The following MLIP variants were observed in gnomAD, a reference collection of about 807,000 sequenced individuals.
MLIP encodes the protein muscular LMNA interacting protein.
In MLIP, 79 loss-of-function variants were observed where a neutral mutation model predicts 84.8. The ratio of observed to expected loss-of-function variants is 0.93; its 90% CI spans 0.78 to 1.12. The LOEUF (loss-of-function observed/expected upper bound fraction) is 1.12, where lower values mean the gene tolerates loss of function less well. Among genes scored for constraint, MLIP ranks in the 50% most tolerant of loss-of-function variants. The pLI is 0.00. For missense variants in MLIP, 1,257 were observed against 1,160.6 expected, an observed-to-expected ratio of 1.08 and a Z score of -1.21; for synonymous variants, 504 against 463.0, an observed-to-expected ratio of 1.09 and a Z score of -1.14.
intron 3 of MLIP, among the ~76,000 whole-genome samples, chr6:54,125,544 G>A (rs961698500): frequency 2.0e-5 from 3 of 152,194 alleles, no homozygotes; most frequent in Admixed American, 6.5e-5. Flanking sequence ...AGGAAAGAAA[G>A]GATGCGGACA....
chr6:54,167,094 G>T (rs1029256159), intron 8 of MLIP, among the ~76,000 whole-genome samples: 1 of 151,858 alleles, frequency 6.6e-6, no homozygotes, highest in African/African-American at 2.4e-5. Context: ...ACTGTGTTTT[G>T]TTGGATAGTA....
At chr6:54,219,175 C>T (rs939158999) in intron 11 of MLIP, among the ~76,000 whole-genome samples, 5 of 151,650 alleles carry the variant, frequency 3.3e-5, no homozygotes, top group African/African-American at 1.2e-4. Flanking sequence ...CACTGTACTC[C>T]AGCCTGGGGA....
At chr6:54,066,979 A>T (rs1310351677) in intron 1 of MLIP, among the ~76,000 whole-genome samples, 1 of 100,980 alleles carries the variant, frequency 9.9e-6, no homozygotes, top group African/African-American at 2.5e-5. Flanking sequence ...CAGAGGAAAA[A>T]AAATCTACTT....
intron 9 of MLIP, among the ~76,000 whole-genome samples, chr6:54,174,926 A>T (rs1331195707): frequency 6.6e-6 from 1 of 151,976 alleles, no homozygotes; most frequent in Admixed American, 6.6e-5. Context: ...ATTTTTACAT[A>T]TGGCAAGATA....
Position 54,026,242 on chromosome 6 carries a change from G to C in MLIP, c.63+7151G>C, listed in dbSNP as rs549195433. Among the ~76,000 whole-genome samples the C allele has an allele frequency of 6.6e-5, 10 of 152,264 alleles. No homozygotes were observed. In the East Asian group the frequency reaches 1.9e-3, roughly 29 times the overall value. On this transcript the variant is annotated intron_variant, in intron 1 of 12. Coordinates refer to the MLIP transcript ENST00000274897. The stretch of plus-strand genomic sequence containing the variant: ...TCTCTGCATCAGATATTAGAGATTT[G>C]ATGATTAGGATAATGTTCTCCAAAT...
intron 3 of MLIP, among the ~76,000 whole-genome samples, chr6:54,131,765 T>C (rs1290609862): frequency 1.3e-5 from 2 of 152,242 alleles, no homozygotes; most frequent in Non-Finnish European, 2.9e-5. Flanking sequence ...CTTTTGTTGC[T>C]TAACAAACCA....
Position 54,035,513 on chromosome 6 carries a change from AT to A in MLIP, c.63+16431del, listed in dbSNP as rs952487199. 8.7e-4 allele frequency among the ~76,000 whole-genome samples: 132 copies of A among 151,066 alleles called. 2 individuals carry two copies. The highest frequency in any genetic ancestry group is 4.8e-5 in the African/African-American group (2 of 41,276). On this transcript the variant is annotated intron_variant, in intron 1 of 12. Transcript: ENST00000274897. Reference sequence around the variant, plus strand: ...AACTGCTGAGACATATGGTAAGTCCATTTTTTTTTAGTTTTAAAGGGAATTG... The same window carrying A: ...AACTGCTGAGACATATGGTAAGTCCATTTTTTTTAGTTTTAAAGGGAATTG...
intron 11 of MLIP, among the ~76,000 whole-genome samples, chr6:54,202,851 A>G (rs1391121850): frequency 6.6e-6 from 1 of 152,212 alleles, no homozygotes; most frequent in Admixed American, 6.5e-5. Flanking sequence ...TGAGCAAGTA[A>G]TCATGCCACT....
intron 10 of MLIP, among the ~76,000 whole-genome samples, chr6:54,193,794 T>C (rs1206443784): frequency 6.6e-6 from 1 of 152,138 alleles, no homozygotes; most frequent in Non-Finnish European, 1.5e-5. Flanking sequence ...AGGAAAGATC[T>C]AGGGTCTGCG....
intron 1 of MLIP, among the ~76,000 whole-genome samples, chr6:54,071,113 T>C (rs985879850): frequency 2.0e-5 from 3 of 152,136 alleles, no homozygotes; most frequent in African/African-American, 7.2e-5. Flanking sequence ...TCATAGGTAT[T>C]TGCATTTTTA....
intron 8 of MLIP, among the ~76,000 whole-genome samples, chr6:54,168,244 C>A (rs1473887865): frequency 2.0e-5 from 3 of 151,804 alleles, no homozygotes; most frequent in Non-Finnish European, 2.9e-5. Flanking sequence ...ACCTACTCAA[C>A]TCCCTTACTC....
chr6:54,150,958 T>C (rs755663101), intron 5 of MLIP, among the ~76,000 whole-genome samples: 1 of 152,228 alleles, frequency 6.6e-6, no homozygotes. Flanking sequence ...GTGTTTTTAA[T>C]TTTAAATAAA....
chr6:54,111,621 A>C (rs1199007912), intron 1 of MLIP, 46 bp downstream of exon 1: 1 of 1,526,960 alleles, frequency 6.5e-7, no homozygotes, highest in East Asian at 2.4e-5. Context: ...TTTTAAAAGC[A>C]GTGTACGGTG....
chr6:54,265,930 C>T lies in MLIP; in HGVS notation c.2977-20C>T, dbSNP rs368902426. ...AATTTATTCATCTTAACCTGACTAC[C>T]ATATTCTCTTATTTTACAGCAATGA... is the stretch of plus-strand genomic sequence containing the variant. On this transcript the variant is annotated intron_variant, in intron 13 of 13. Coordinates refer to ENST00000502396, the MANE Select transcript of MLIP (RefSeq NM_001281747.2). The T allele has an allele frequency of 6.5e-5, 105 of 1,608,626 alleles. No homozygotes were observed. The highest frequency in any genetic ancestry group is 8.6e-5 in the Non-Finnish European group (101 of 1,176,876).
chr6:54,204,042 T>C (rs1175818564), intron 11 of MLIP, among the ~76,000 whole-genome samples: 1 of 152,234 alleles, frequency 6.6e-6, no homozygotes, highest in Non-Finnish European at 1.5e-5. Context: ...ACAAATACTT[T>C]TTATGATTAG....
chr6:54,216,957 A>G, intron 11 of MLIP: 5 of 985,452 alleles, frequency 5.1e-6, no homozygotes, highest in Non-Finnish European at 6.0e-6. Context: ...TGATTTTATT[A>G]GCAAGGTGTT....
Position 54,120,290 on chromosome 6 carries a change from A to C in MLIP, c.97-1157A>C, listed in dbSNP as rs1002826266. On this transcript the variant is annotated intron_variant, in intron 1 of 13. Coordinates refer to ENST00000502396, the MANE Select transcript of MLIP (RefSeq NM_001281747.2). ...CGCTCTGTCGCCAAGGCTGGAGTGC[A>C]GTGGCACGATCTCGGCTCACTGCAA... Among the ~76,000 whole-genome samples, 6 of 151,440 alleles carry C rather than the reference A, an allele frequency of 4.0e-5. No individual in the cohort carries two copies. The East Asian group carries it at 9.7e-4, about 25-fold the overall frequency.
intron 1 of MLIP, among the ~76,000 whole-genome samples, chr6:54,034,547 T>C (rs1320058684): frequency 6.6e-6 from 1 of 152,076 alleles, no homozygotes; most frequent in Non-Finnish European, 1.5e-5. Context: ...TAAAAGCATT[T>C]AAAAAGTTAA....
rs1783661505 is a variant in MLIP, at chr6:54,265,959, T to C, written c.*4T>C. ...TTCTCTTATTTTACAGCAATGAAGT[T>C]GGAGCAGAGGCTGAAAACACAGGCT... On this transcript the variant is annotated 3_prime_UTR_variant, in exon 14 of 14. Transcript: ENST00000502396. 1 of 1,612,102 alleles carries C rather than the reference T, an allele frequency of 6.2e-7. No individual in the cohort carries two copies. The highest frequency in any genetic ancestry group is 8.5e-7 in the Non-Finnish European group (1 of 1,179,028).
Sources: allele counts gnomAD v4.1 joint callset (sites outside exome capture counted in the v4.1 genomes callset), GRCh38; gene constraint gnomAD v4.1.1; transcripts MANE v1.5; gene names NCBI Gene and HGNC (gene_info 2026-07-23, HGNC 2026-07-21).